Variants in RNF13 observed in about 807,000 individuals in gnomAD.
The protein encoded by RNF13 is E3 ubiquitin-protein ligase RNF13.
RNF13 carries 19 observed loss-of-function variants against 37.7 expected under a neutral mutation model. That is an observed-to-expected ratio of 0.50 (90% CI 0.35 to 0.74). RNF13 has a LOEUF of 0.74. Among genes scored for constraint, RNF13 ranks in the 30% least tolerant of loss-of-function variants. The pLI, the probability that RNF13 is intolerant of heterozygous loss-of-function variation, is 0.01. For missense variants in RNF13, 375 were observed against 453.0 expected (o/e 0.83, Z 1.56); for synonymous variants, 144 against 157.8 (o/e 0.91, Z 0.65).
At chr3:149,908,872 T>A (rs1716694258) in intron 6 of RNF13, among the ~76,000 whole-genome samples, 1 of 152,172 alleles carries the variant, frequency 6.6e-6, no homozygotes, top group Non-Finnish European at 1.5e-5. Context: ...GGCAGCTGGT[T>A]TGAAATTAGC....
chr3:149,947,711 G>A (rs1720907591), intron 8 of RNF13, among the ~76,000 whole-genome samples: 1 of 151,774 alleles, frequency 6.6e-6, no homozygotes, highest in South Asian at 2.1e-4. Context: ...TCTTCCTTCA[G>A]TTCTGTCAAT....
At chr3:149,928,720 A>G (rs898093396) in intron 8 of RNF13, among the ~76,000 whole-genome samples, 4 of 152,118 alleles carry the variant, frequency 2.6e-5, no homozygotes, top group African/African-American at 9.7e-5. Flanking sequence ...AAAAAAAGTT[A>G]TAGAATTTTG....
chr3:149,845,739 T>C (rs1722583982), intron 1 of RNF13: 1 of 235,680 alleles, frequency 4.2e-6, no homozygotes, highest in Non-Finnish European at 8.2e-6. Flanking sequence ...AGCTGTACTA[T>C]AAACTGAGCA....
At chr3:149,895,337 T>C (rs1198141959) in intron 4 of RNF13, 136 bp from the exon 5 acceptor site, 3 of 558,304 alleles carry the variant, frequency 5.4e-6, no homozygotes, top group Non-Finnish European at 9.4e-6. Flanking sequence ...AACAGATTAA[T>C]GCTTTGAGTC....
rs149525863 is a variant in RNF13 at position 149,851,841 on chromosome 3, T to C, written c.115-675T>C. 5.0e-4 allele frequency among the ~76,000 whole-genome samples: 76 copies of C among 152,340 alleles called. 2 individuals carry two copies. In the East Asian group the frequency reaches 0.012, roughly 24 times the overall value. On this transcript the variant is annotated intron_variant, in intron 2 of 9. Transcript: ENST00000392894. ...ATACAGCAAACTCATCTCACAATTA[T>C]TATCATTACTGTTATCTTCTAAAAG...
chr3:149,872,598 A>G (rs1048346888), intron 4 of RNF13, among the ~76,000 whole-genome samples: 5 of 152,180 alleles, frequency 3.3e-5, no homozygotes, highest in African/African-American at 4.8e-5. Context: ...GTCACCATAT[A>G]TCACCAGTGC....
intron 1 of RNF13, among the ~76,000 whole-genome samples, chr3:149,843,012 T>A (rs1480996495): frequency 2.0e-5 from 3 of 152,176 alleles, no homozygotes; most frequent in African/African-American, 2.4e-5. Flanking sequence ...GAATGTGCAG[T>A]TCGCCCTCCG....
At chr3:149,817,477 T>C (rs1719586466) in intron 1 of RNF13, among the ~76,000 whole-genome samples, 1 of 152,232 alleles carries the variant, frequency 6.6e-6, no homozygotes, top group Non-Finnish European at 1.5e-5. Flanking sequence ...TGTTGAATGC[T>C]GAATTGTTGA....
At chr3:149,918,802 T>C (rs1717818374) in intron 7 of RNF13, among the ~76,000 whole-genome samples, 1 of 151,990 alleles carries the variant, frequency 6.6e-6, no homozygotes. Flanking sequence ...GCACTGGAAT[T>C]ACAGGTGTGA....
chr3:149,886,463 A>G (rs1714041929), intron 4 of RNF13, among the ~76,000 whole-genome samples: 1 of 152,136 alleles, frequency 6.6e-6, no homozygotes, highest in African/African-American at 2.4e-5. Context: ...TCACATTGCT[A>G]AACTGGTTTA....
intron 4 of RNF13, among the ~76,000 whole-genome samples, chr3:149,893,284 G>GA (rs1283639556): frequency 1.3e-5 from 2 of 152,112 alleles, no homozygotes; most frequent in Middle Eastern, 3.2e-3. Flanking sequence ...TTTATTCAGG[G>GA]AAAAAAGTTA....
chr3:149,895,442 A>G (rs987102684), intron 4 of RNF13, 31 bp from the exon 5 acceptor site: 16 of 1,139,720 alleles, frequency 1.4e-5, no homozygotes, highest in Non-Finnish European at 1.8e-5. Context: ...TCCTTATAAC[A>G]TAATTTTTTT....
At chr3:149,938,497 T>C (rs1020671365) in intron 8 of RNF13, among the ~76,000 whole-genome samples, 7 of 151,806 alleles carry the variant, frequency 4.6e-5, no homozygotes, top group African/African-American at 1.7e-4. Context: ...ATTTTTTTTT[T>C]TTTTGGAGAA....
chr3:149,852,052 A>G (rs890957177), intron 2 of RNF13, among the ~76,000 whole-genome samples: 2 of 152,206 alleles, frequency 1.3e-5, no homozygotes, highest in African/African-American at 4.8e-5. Flanking sequence ...AGCTTATACA[A>G]AATTGACATG....
At chr3:149,899,830 G>C (rs916509789) in intron 5 of RNF13, among the ~76,000 whole-genome samples, 1 of 152,174 alleles carries the variant, frequency 6.6e-6, no homozygotes, top group Non-Finnish European at 1.5e-5. Flanking sequence ...AGAGTTGATC[G>C]ACTGAGAGAA....
chr3:149,834,477 T>C (rs544484028), intron 1 of RNF13, among the ~76,000 whole-genome samples: 1 of 152,310 alleles, frequency 6.6e-6, no homozygotes, highest in East Asian at 1.9e-4. Context: ...AGTCCTCCTA[T>C]GGTTTGGAAA....
chr3:149,956,525 GA>G (rs906674078), intron 8 of RNF13, among the ~76,000 whole-genome samples: 39 of 152,306 alleles, frequency 2.6e-4, no homozygotes, highest in African/African-American at 9.4e-4. Context: ...TTTTGGGCTT[GA>G]AATGGGGAAA....
chr3:149,850,374 G>A (rs1723022449), intron 2 of RNF13, among the ~76,000 whole-genome samples: 1 of 152,128 alleles, frequency 6.6e-6, no homozygotes, highest in Non-Finnish European at 1.5e-5. Context: ...ACCTTTGTTA[G>A]TCTTGTTCAC....
chr3:149,853,445 AGAGAGAGAGG>A (rs1234162263), intron 3 of RNF13, among the ~76,000 whole-genome samples: 15 of 131,612 alleles, frequency 1.1e-4, no homozygotes, highest in African/African-American at 2.8e-4. Context: ...TGTGTGTGAG[AGAGAGAGAGG>A]GAGAGAGAGA....
Sources: gnomAD v4.1 joint callset for allele counts (sites outside exome capture counted in the v4.1 genomes callset) on GRCh38, gnomAD v4.1.1 for gene constraint, MANE v1.5 for transcripts, NCBI Gene and HGNC (gene_info 2026-07-23, HGNC 2026-07-21) for gene names.